The following TPMT variants were observed in gnomAD, a reference collection of about 807,000 sequenced individuals.
TPMT encodes thiopurine S-methyltransferase.
Under a neutral mutation model 34.2 loss-of-function variants are expected in TPMT, and 18 were observed. That is an observed-to-expected ratio of 0.53 (90% CI 0.36 to 0.78). TPMT has a LOEUF of 0.78. Ranked by LOEUF, TPMT falls within the 30% of genes least tolerant of loss-of-function variation. TPMT has a pLI of 0.00. For synonymous variants in TPMT, 69 were observed against 92.4 expected (o/e 0.75, Z 1.45); for missense variants, 265 against 288.1 (o/e 0.92, Z 0.58).
Position 18,130,745 on chromosome 6 carries a change from C to G in TPMT, c.661G>C (p.Asp221His). The G allele has an allele frequency of 1.9e-6, 3 of 1,613,650 alleles. No individual in the cohort carries two copies. Among genetic ancestry groups the G allele is most frequent in the Non-Finnish European group, 2.5e-6 (3 of 1,179,902 alleles). The stretch of plus-strand genomic sequence containing the variant: ...CTTTTATGTCGTTCTTCAAAAGCAT[C>G]AACCTTCTCAAGACAACGTATATTG... ...ICNIRCLEKV[D>H]AFEERHKSWG... is the part of the protein sequence containing the mutation. Residue 221 changes from aspartate to histidine, a missense_variant, in exon 9 of 9, where the codon GAT becomes CAT. Asp to His is a moderately conservative substitution (Grantham distance 81). Transcript: ENST00000309983. The surrounding 1 kb of genome is among the most constrained non-coding windows in gnomAD (Gnocchi z 4.2).
chr6:18,133,064 G>T (rs1053525489), intron 7 of TPMT, among the ~76,000 whole-genome samples: 1 of 152,144 alleles, frequency 6.6e-6, no homozygotes, highest in African/African-American at 2.4e-5. Flanking sequence ...CTGCACTCCA[G>T]CCTGGGCCAC....
At chr6:18,137,149 G>GT (rs1213611741) in intron 6 of TPMT, among the ~76,000 whole-genome samples, 13 of 149,502 alleles carry the variant, frequency 8.7e-5, no homozygotes, top group Non-Finnish European at 1.3e-4. Flanking sequence ...TTGTTTGTTT[G>GT]TTTTTTTAGA....
chr6:18,132,115 A>G lies in TPMT; in HGVS notation c.625+18T>C, dbSNP rs575728583. On this transcript the variant is annotated intron_variant, in intron 8 of 8. Transcript: ENST00000309983. This position sits in a 1 kb window ranked among gnomAD's most constrained non-coding sequence, Gnocchi z 4.8. ...TTGACTTTGTTTAAAAAGTTACAGC[A>G]TAAGTCCACAAACTTACCAAACAAC... is the stretch of plus-strand genomic sequence containing the variant. 7 of 1,613,788 alleles carry G rather than the reference A, an allele frequency of 4.3e-6. No individual in the cohort carries two copies. Among genetic ancestry groups the G allele is most frequent in the East Asian group, 2.2e-5 (1 of 44,882 alleles).
At position 18,135,861 on chromosome 6, in the gene TPMT, C is replaced by A. The variant is rs1007975518; in HGVS notation, c.495-1972G>T. On this transcript the variant is annotated intron_variant, in intron 6 of 8. Transcript: ENST00000309983. This position sits in a 1 kb window ranked among gnomAD's most constrained non-coding sequence, Gnocchi z 5.0. ...TCCAGCCTGGGCAACAAGAGTGGAA[C>A]TCCATCTCAAAAAAAAACCCTAAGA... Among the ~76,000 whole-genome samples, 4 of 152,016 alleles carry A rather than the reference C, an allele frequency of 2.6e-5. No individual in the cohort carries two copies. Among genetic ancestry groups the A allele is most frequent in the African/African-American group, 9.7e-5 (4 of 41,404 alleles).
At position 18,139,050 on chromosome 6, in the gene TPMT, G is replaced by T; in HGVS notation, c.420-13C>A. ...GCCAATATTTGTCCTACCAGAAAGA[G>T]AAAAAACATTTTATGGGAGAAAAAT... On this transcript the variant is annotated splice_polypyrimidine_tract_variant and intron_variant, in intron 5 of 8. Coordinates refer to ENST00000309983, the MANE Select transcript of TPMT (RefSeq NM_000367.5). This position sits in a 1 kb window ranked among gnomAD's most constrained non-coding sequence, Gnocchi z 4.2. The T allele has an allele frequency of 7.4e-6, 12 of 1,611,416 alleles. No individual in the cohort carries two copies. Among genetic ancestry groups the T allele is most frequent in the Non-Finnish European group, 9.3e-6 (11 of 1,177,558 alleles).
chr6:18,144,697 G>A (rs1318666913), intron 3 of TPMT, among the ~76,000 whole-genome samples: 1 of 149,854 alleles, frequency 6.7e-6, no homozygotes, highest in Admixed American at 6.7e-5. Context: ...GTAATTTTGA[G>A]GAAAAGAGGA....
chr6:18,147,953 A>C (rs3928922), intron 2 of TPMT, 38 bp from the exon 3 acceptor site: 2 of 1,484,644 alleles, frequency 1.3e-6, no homozygotes, highest in Admixed American at 3.4e-5. Flanking sequence ...GGACAATTGT[A>C]TGGTAGGTGA....
intron 4 of TPMT, among the ~76,000 whole-genome samples, chr6:18,141,402 C>T (rs190349913): frequency 2.2e-3 from 326 of 149,274 alleles, no homozygotes; most frequent in Non-Finnish European, 3.2e-3. Flanking sequence ...TGCAGTGGTG[C>T]GATCTTGGCT....
intron 6 of TPMT, among the ~76,000 whole-genome samples, chr6:18,137,344 C>A (rs543143966): frequency 5.5e-4 from 83 of 152,212 alleles, no homozygotes; most frequent in African/African-American, 1.9e-3. Context: ...ACTGTGTTGG[C>A]CAGGCTGGTC....
At chr6:18,141,488 C>A in intron 4 of TPMT, among the ~76,000 whole-genome samples, 1 of 151,992 alleles carries the variant, frequency 6.6e-6, no homozygotes, top group Non-Finnish European at 1.5e-5. Context: ...TATAGGTATG[C>A]ACCACCACAG....
rs1452125805 is a variant in TPMT at position 18,150,081 on chromosome 6, C to T, written c.-44-910G>A. ...TCAGTCCCTAAGATTTCCCTCCTCA[C>T]TTAGACACCAGTTGCAAGTCCAGGC... On this transcript the variant is annotated intron_variant, in intron 1 of 8. Coordinates refer to ENST00000309983, the MANE Select transcript of TPMT (RefSeq NM_000367.5). The surrounding 1 kb of genome is among the most constrained non-coding windows in gnomAD (Gnocchi z 5.3). Among the ~76,000 whole-genome samples the T allele has an allele frequency of 6.6e-6, 1 of 152,184 alleles. No individual in the cohort carries two copies. The highest frequency in any genetic ancestry group is 1.5e-5 in the Non-Finnish European group (1 of 68,044).
At position 18,153,070 on chromosome 6, in the gene TPMT, C is replaced by G. The variant is rs1408453609; in HGVS notation, c.-45+1963G>C. Among the ~76,000 whole-genome samples, 1 of 152,190 alleles carries G rather than the reference C, an allele frequency of 6.6e-6. No homozygotes were observed. Among genetic ancestry groups the G allele is most frequent in the Non-Finnish European group, 1.5e-5 (1 of 68,038 alleles). On this transcript the variant is annotated intron_variant, in intron 1 of 8. Transcript: ENST00000309983. The surrounding 1 kb of genome is among the most constrained non-coding windows in gnomAD (Gnocchi z 4.2). The stretch of plus-strand genomic sequence containing the variant: ...TTACTCATGGGTACTTTCCTCCTTT[C>G]ATAAATATTCATGAGTCATCCTACA...
intron 1 of TPMT, among the ~76,000 whole-genome samples, chr6:18,152,854 T>A (rs1032109396): frequency 3.3e-5 from 5 of 152,158 alleles, no homozygotes; most frequent in African/African-American, 1.2e-4. Flanking sequence ...ACCAACCCCC[T>A]GATGCTGCCC....
In TPMT at chr6:18,148,871, G is replaced by A. The variant is rs541573301; in HGVS notation, c.140+117C>T. The A allele has an allele frequency of 2.4e-5, 35 of 1,480,196 alleles. No homozygotes were observed. In the African/African-American group the frequency reaches 3.3e-4, roughly 14 times the overall value. The allele number at this position is 1,480,196 out of a possible 1,614,324, so 91.7% of individuals were successfully genotyped here. On this transcript the variant is annotated intron_variant, in intron 2 of 8. Coordinates refer to ENST00000309983, the MANE Select transcript of TPMT (RefSeq NM_000367.5). This position sits in a 1 kb window ranked among gnomAD's most constrained non-coding sequence, Gnocchi z 4.1. The stretch of plus-strand genomic sequence containing the variant: ...ACTGTGACTCGGGAGACACAAAAAT[G>A]TGAAGAATTAAATGTGCATCCTAAA...
rs1784446151 is a variant in TPMT, at chr6:18,154,724, G to T, written c.-45+309C>A. ...GGAGTTCCAGGTTACAGTGAGCTATGATTGTGCCACTGCACGCTAGCATGG... is the reference window on the plus strand; with the variant it reads ...GGAGTTCCAGGTTACAGTGAGCTATTATTGTGCCACTGCACGCTAGCATGG... On this transcript the variant is annotated intron_variant, in intron 1 of 8. Coordinates refer to ENST00000309983, the MANE Select transcript of TPMT (RefSeq NM_000367.5). This position sits in a 1 kb window ranked among gnomAD's most constrained non-coding sequence, Gnocchi z 4.2. 6.6e-6 allele frequency among the ~76,000 whole-genome samples: 1 copy of T among 152,130 alleles called. No homozygotes were observed. The highest frequency in any genetic ancestry group is 1.5e-5 in the Non-Finnish European group (1 of 68,012).
rs1783926826 is a variant in TPMT at position 18,130,798 on chromosome 6, A to G, written c.626-18T>C. ...TATTTTACCTGAAACAAGAAAGAGTAACATGTTAAAATACTATGAAGAATG... is the reference window on the plus strand; with the variant it reads ...TATTTTACCTGAAACAAGAAAGAGTGACATGTTAAAATACTATGAAGAATG... On this transcript the variant is annotated intron_variant, in intron 8 of 8. Transcript: ENST00000309983. The surrounding 1 kb of genome is among the most constrained non-coding windows in gnomAD (Gnocchi z 4.2). 6.4e-7 allele frequency: 1 copy of G among 1,568,484 alleles called. No homozygotes were observed. Among genetic ancestry groups the G allele is most frequent in the East Asian group, 2.2e-5 (1 of 44,522 alleles).
rs1296948677 is a variant in TPMT at position 18,149,262 on chromosome 6, A to G, written c.-44-91T>C. On this transcript the variant is annotated intron_variant, in intron 1 of 8. Coordinates refer to ENST00000309983, the MANE Select transcript of TPMT (RefSeq NM_000367.5). This position sits in a 1 kb window ranked among gnomAD's most constrained non-coding sequence, Gnocchi z 5.0. ...AAAACCTATTATTCTTAGCAGTATG[A>G]CTTTTTAAAAATATTTCTTTCTTTT... 2 of 1,132,866 alleles carry G rather than the reference A, an allele frequency of 1.8e-6. No individual in the cohort carries two copies. The highest frequency in any genetic ancestry group is 2.6e-6 in the Non-Finnish European group (2 of 783,470). The allele number at this position is 1,132,866 out of a possible 1,614,324, so 70.2% of individuals were successfully genotyped here. A position where few individuals can be genotyped will look rare whatever the true frequency, so the allele number is the denominator to read the frequency against.
rs1783964232 is a variant in TPMT, at chr6:18,132,442, G to A, written c.581-265C>T. 6.6e-6 allele frequency among the ~76,000 whole-genome samples: 1 copy of A among 152,110 alleles called. No individual in the cohort carries two copies. The highest frequency in any genetic ancestry group is 2.4e-5 in the African/African-American group (1 of 41,416). On this transcript the variant is annotated intron_variant, in intron 7 of 8. Coordinates refer to ENST00000309983, the MANE Select transcript of TPMT (RefSeq NM_000367.5). The surrounding 1 kb of genome is among the most constrained non-coding windows in gnomAD (Gnocchi z 4.8). ...GAAATCAGAGTGGATTCCATCAGCA[G>A]ATTCCTTGGGGGTTTCAACCATCTT...
At chr6:18,137,126 G>GTTT (rs11448292) in intron 6 of TPMT, among the ~76,000 whole-genome samples, 1 of 149,934 alleles carries the variant, frequency 6.7e-6, no homozygotes, top group Non-Finnish European at 1.5e-5. Context: ...AGCCTAACCT[G>GTTT]TTTTTTTTTT....
Sources: allele counts gnomAD v4.1 joint callset (sites outside exome capture counted in the v4.1 genomes callset), GRCh38; gene constraint gnomAD v4.1.1; non-coding constraint Gnocchi (gnomAD v3.1); transcripts MANE v1.5; gene names NCBI Gene and HGNC (gene_info 2026-07-23, HGNC 2026-07-21).